EPHA7: variants seen among roughly 807,000 people sequenced by gnomAD.
The protein encoded by EPHA7 is EPH receptor A7, also known as ephrin type-A receptor 7.
A neutral mutation model predicts 112.6 loss-of-function variants in EPHA7; 25 were observed. The observed-to-expected ratio is 0.22, with a 90% CI of 0.16 to 0.31. The LOEUF is 0.31. EPHA7 is among the 10% of genes least tolerant of loss of function. EPHA7 has a pLI of 1.00. For synonymous variants in EPHA7, 437 were observed against 406.5 expected (o/e 1.07, Z -0.90); for missense variants, 962 against 1,212.6 (o/e 0.79, Z 3.07).
intron 3 of EPHA7, among the ~76,000 whole-genome samples, chr6:93,387,660 G>A (rs1309647224): frequency 6.6e-6 from 1 of 152,074 alleles, no homozygotes; most frequent in Non-Finnish European, 1.5e-5. Context: ...GGAGGCCTCA[G>A]TAAACTTATG....
chr6:93,298,342 A>C (rs768690411), intron 5 of EPHA7, among the ~76,000 whole-genome samples: 50 of 152,152 alleles, frequency 3.3e-4, no homozygotes, highest in Non-Finnish European at 5.7e-4. Flanking sequence ...AAAGATGAAC[A>C]CAGAAATAAA....
intron 1 of EPHA7, among the ~76,000 whole-genome samples, chr6:93,415,384 T>C (rs1344811982): frequency 6.6e-6 from 1 of 152,038 alleles, no homozygotes; most frequent in African/African-American, 2.4e-5. Flanking sequence ...TCAGCATTTT[T>C]TTTAATTTCT....
chr6:93,295,365 AT>A lies in EPHA7; in HGVS notation c.1325-22944del, dbSNP rs202219525. ...CTTAAGTAATTTTTCATTGCTCTCC[AT>A]TTTGGTAGTTTCTGTAATTTTGTGT... is the stretch of plus-strand genomic sequence containing the variant. On this transcript the variant is annotated intron_variant, in intron 5 of 16. Transcript: ENST00000369303. Among the ~76,000 whole-genome samples the A allele has an allele frequency of 9.5e-3, 1,436 of 151,656 alleles. 34 individuals are homozygous for A. Among genetic ancestry groups the A allele is most frequent in the Admixed American group, 0.043 (649 of 15,238 alleles).
At chr6:93,419,172 G>T (rs963298792) in intron 1 of EPHA7, 73 bp downstream of exon 1, 17 of 1,267,534 alleles carry the variant, frequency 1.3e-5, no homozygotes, top group Admixed American at 2.8e-5. Flanking sequence ...GCAGCGCCGC[G>T]GACGAGCTGG....
chr6:93,282,993 A>T (rs9345343), intron 5 of EPHA7, among the ~76,000 whole-genome samples: 3 of 151,956 alleles, frequency 2.0e-5, no homozygotes, highest in Admixed American at 1.3e-4. Flanking sequence ...GGAGTGCAGG[A>T]GCAGGGCGCG....
intron 5 of EPHA7, among the ~76,000 whole-genome samples, chr6:93,311,332 C>T (rs1207348363): frequency 3.9e-5 from 6 of 151,986 alleles, no homozygotes; most frequent in African/African-American, 1.5e-4. Context: ...AACCTTGCCA[C>T]TGCTTTATCA....
chr6:93,307,492 T>G (rs1773314949), intron 5 of EPHA7, among the ~76,000 whole-genome samples: 1 of 152,100 alleles, frequency 6.6e-6, no homozygotes, highest in African/African-American at 2.4e-5. Context: ...TAATCCCACT[T>G]TTTTCTTCCC....
rs1166407818 is a variant in EPHA7 at position 93,241,125 on chromosome 6, C to T, written c.*2301G>A. On this transcript the variant is annotated 3_prime_UTR_variant, in exon 17 of 17. Transcript: ENST00000369303. ...AGACTACTCAACTATAAATCTAGTG[C>T]TAGAAAAAAGCAGGAAAGACACCGT... The T allele has an allele frequency of 1.5e-5, 3 of 204,200 alleles. No homozygotes were observed. Among genetic ancestry groups the T allele is most frequent in the Non-Finnish European group, 3.0e-5 (3 of 99,692 alleles). The allele number at this position is 204,200 out of a possible 1,614,324, so 12.6% of individuals were successfully genotyped here. A position where few individuals can be genotyped will look rare whatever the true frequency, so the allele number is the denominator to read the frequency against.
intron 3 of EPHA7, among the ~76,000 whole-genome samples, chr6:93,382,480 A>G (rs529511875): frequency 4.5e-4 from 68 of 152,188 alleles, no homozygotes; most frequent in Non-Finnish European, 8.5e-4. Context: ...ATAACAGGCC[A>G]GTGACCACTA....
chr6:93,268,063 A>G (rs1771031210), intron 7 of EPHA7, among the ~76,000 whole-genome samples: 1 of 151,674 alleles, frequency 6.6e-6, no homozygotes, highest in African/African-American at 2.4e-5. Flanking sequence ...TTGAAATCTT[A>G]ACTTAAAATG....
intron 9 of EPHA7, among the ~76,000 whole-genome samples, chr6:93,261,754 T>G (rs1171924922): frequency 3.3e-5 from 5 of 151,578 alleles, no homozygotes; most frequent in Admixed American, 1.3e-4. Flanking sequence ...GAAAACTTTA[T>G]ATACAGCAAG....
rs71542009 is a variant in EPHA7, at chr6:93,311,114, A to ATTTTTTTTTTTTTT, written c.1325-38706_1325-38693dup. 5.3e-4 allele frequency among the ~76,000 whole-genome samples: 42 copies of ATTTTTTTTTTTTTT among 78,508 alleles called. 6 individuals are homozygous for ATTTTTTTTTTTTTT. Among genetic ancestry groups the ATTTTTTTTTTTTTT allele is most frequent in the African/African-American group, 1.9e-3 (33 of 17,020 alleles). 51.5% of individuals were successfully genotyped at this position (78,508 alleles called of 152,430 possible). ...ACAGGCATGTGCATCATGCCCAGCT[A>ATTTTTTTTTTTTTT]TTTTTTTTTTTTTTTTTTTTTTTTT... On this transcript the variant is annotated intron_variant, in intron 5 of 16. Coordinates refer to ENST00000369303, the MANE Select transcript of EPHA7 (RefSeq NM_004440.4).
At chr6:93,338,991 A>G (rs1023500706) in intron 5 of EPHA7, among the ~76,000 whole-genome samples, 3 of 150,162 alleles carry the variant, frequency 2.0e-5, no homozygotes, top group Non-Finnish European at 4.4e-5. Flanking sequence ...TAAATTTTAT[A>G]TAAATATATG....
At chr6:93,396,824 T>C (rs957927206) in intron 3 of EPHA7, among the ~76,000 whole-genome samples, 4 of 151,710 alleles carry the variant, frequency 2.6e-5, no homozygotes, top group Non-Finnish European at 4.4e-5. Context: ...CAATCCCCAG[T>C]ACAAATGGGG....
intron 5 of EPHA7, among the ~76,000 whole-genome samples, chr6:93,305,502 G>A (rs1013732388): frequency 2.4e-4 from 36 of 151,778 alleles, no homozygotes; most frequent in African/African-American, 8.5e-4. Context: ...AACCTAAAGA[G>A]CCTGTGTGAG....
chr6:93,261,759 A>T (rs1194282103), intron 9 of EPHA7, among the ~76,000 whole-genome samples: 2 of 151,540 alleles, frequency 1.3e-5, no homozygotes, highest in African/African-American at 4.8e-5. Context: ...CTTTATATAC[A>T]GCAAGTTTAT....
intron 14 of EPHA7, among the ~76,000 whole-genome samples, chr6:93,248,255 C>G (rs919394886): frequency 2.6e-5 from 4 of 151,706 alleles, no homozygotes; most frequent in African/African-American, 9.7e-5. Flanking sequence ...AAAAATAGCA[C>G]CTTAAAATAT....
At chr6:93,247,689 AT>A (rs926785366) in intron 14 of EPHA7, among the ~76,000 whole-genome samples, 1 of 152,098 alleles carries the variant, frequency 6.6e-6, no homozygotes, top group East Asian at 1.9e-4. Flanking sequence ...TTTTATTATT[AT>A]TTTTTTATCA....
At chr6:93,327,729 C>G (rs1212595300) in intron 5 of EPHA7, among the ~76,000 whole-genome samples, 1 of 151,448 alleles carries the variant, frequency 6.6e-6, no homozygotes, top group Non-Finnish European at 1.5e-5. Context: ...TCACTACTCC[C>G]TACCATTCCA....
Sources: allele counts gnomAD v4.1 joint callset (sites outside exome capture counted in the v4.1 genomes callset), GRCh38; gene constraint gnomAD v4.1.1; transcripts MANE v1.5; gene names NCBI Gene and HGNC (gene_info 2026-07-23, HGNC 2026-07-21).